NLGN4X: variants seen among roughly 807,000 people sequenced by gnomAD.
NLGN4X encodes the protein neuroligin-4, X-linked.
Under a neutral mutation model 40.3 loss-of-function variants are expected in NLGN4X, and 3 were observed. The ratio of observed to expected loss-of-function variants is 0.07; its 90% CI spans 0.03 to 0.19. NLGN4X has a LOEUF of 0.19. NLGN4X is among the 10% of genes least tolerant of loss of function. The pLI is 1.00. For missense variants in NLGN4X, 382 were observed against 708.3 expected (o/e 0.54, Z 5.23); for synonymous variants, 270 against 306.8 (o/e 0.88, Z 1.25).
intron 2 of NLGN4X, among the ~76,000 whole-genome samples, chrX:6,064,730 G>A (rs781051393): frequency 6.3e-5 from 7 of 110,938 alleles, no homozygotes; most frequent in Admixed American, 4.8e-4. Flanking sequence ...GAGACAAGTC[G>A]CTACCATTCG....
intron 3 of NLGN4X, among the ~76,000 whole-genome samples, chrX:5,928,773 T>C (rs901771783): frequency 8.9e-6 from 1 of 111,806 alleles, no homozygotes; most frequent in Non-Finnish European, 1.9e-5. Flanking sequence ...CTTGGTACAT[T>C]GAAATTTAAT....
At chrX:6,206,851 C>A (rs1315706299) in intron 1 of NLGN4X, among the ~76,000 whole-genome samples, 1 of 111,836 alleles carries the variant, frequency 8.9e-6, no homozygotes, top group African/African-American at 3.3e-5. Flanking sequence ...AGGTGCTGGG[C>A]ATTAGGATTT....
chrX:6,030,394 A>ATGTGTGTGTGTGTGTGTGTG (rs35006258), intron 2 of NLGN4X, among the ~76,000 whole-genome samples: 1,451 of 100,093 alleles, frequency 0.014, 44 homozygotes, highest in African/African-American at 0.05. Flanking sequence ...GGATACAGAT[A>ATGTGTGTGTGTGTGTGTGTG]TGTGTGTGTG....
intron 2 of NLGN4X, among the ~76,000 whole-genome samples, chrX:6,039,931 A>G (rs1417712867): frequency 1.8e-5 from 2 of 111,614 alleles, no homozygotes; most frequent in African/African-American, 6.5e-5. Flanking sequence ...CATGTTGAAT[A>G]TGCATTTTGT....
At chrX:5,939,018 C>A (rs1344373808) in intron 3 of NLGN4X, among the ~76,000 whole-genome samples, 1 of 108,499 alleles carries the variant, frequency 9.2e-6, no homozygotes, top group Non-Finnish European at 1.9e-5. Context: ...GATGTCGAAG[C>A]TTGGTTTTGC....
At chrX:6,204,436 C>T (rs1923869571) in intron 1 of NLGN4X, among the ~76,000 whole-genome samples, 2 of 111,807 alleles carry the variant, frequency 1.8e-5, no homozygotes, top group African/African-American at 3.3e-5. Context: ...TATGCATTGG[C>T]TTGAATTGAC....
chrX:6,027,420 T>C (rs1458232920), intron 3 of NLGN4X, among the ~76,000 whole-genome samples: 1 of 112,456 alleles, frequency 8.9e-6, no homozygotes, highest in African/African-American at 3.2e-5. Flanking sequence ...AATAAGTTTT[T>C]TGACACTAAA....
At chrX:6,098,067 A>C (rs934351842) in intron 2 of NLGN4X, among the ~76,000 whole-genome samples, 3 of 112,741 alleles carry the variant, frequency 2.7e-5, no homozygotes, top group Non-Finnish European at 5.6e-5. Context: ...AGGCCGGAGG[A>C]TCGCTTGAGC....
At position 5,903,197 on chromosome X, in the gene NLGN4X, G is replaced by A. The variant is rs765308242; in HGVS notation, c.1481C>T (p.Pro494Leu). 8.3e-7 allele frequency: 1 copy of A among 1,212,121 alleles called. No homozygotes were observed. Among genetic ancestry groups the A allele is most frequent in the East Asian group, 3.0e-5 (1 of 33,822 alleles). ...GATCATGGGGATGCCGAAGACATAG[G>A]GGACCTCATCACCATGGGCCGAATC... Reference protein sequence around the residue: ...WADSAHGDEVPYVFGIPMIGP... With the variant: ...WADSAHGDEVLYVFGIPMIGP... Residue 494 changes from proline to leucine, a missense_variant, in exon 5 of 6, where the codon CCC becomes CTC. By Grantham distance (98) the Pro-to-Leu change is moderately conservative (BLOSUM62 -3). Transcript: ENST00000381095.
intron 1 of NLGN4X, among the ~76,000 whole-genome samples, chrX:6,176,004 G>A (rs2040726517): frequency 9.0e-6 from 1 of 111,351 alleles, no homozygotes. Flanking sequence ...ATTTTAGGGA[G>A]TAAAGAGCCT....
At chrX:6,073,262 C>T (rs1360923315) in intron 2 of NLGN4X, among the ~76,000 whole-genome samples, 1 of 112,107 alleles carries the variant, frequency 8.9e-6, no homozygotes, top group African/African-American at 3.2e-5. Context: ...ACACTAGAAA[C>T]TGACTTTTTA....
intron 3 of NLGN4X, among the ~76,000 whole-genome samples, chrX:5,939,172 G>C (rs1251616073): frequency 1.8e-5 from 2 of 111,447 alleles, no homozygotes; most frequent in Admixed American, 1.9e-4. Context: ...GGAACAGAAA[G>C]AGGAGTACCT....
chrX:6,154,095 G>A (rs899138255), intron 1 of NLGN4X, among the ~76,000 whole-genome samples: 2 of 111,802 alleles, frequency 1.8e-5, no homozygotes, highest in African/African-American at 6.5e-5. Flanking sequence ...TGGGGGCGTC[G>A]CCTGTACAAT....
At chrX:6,019,970 A>G (rs1327485221) in intron 3 of NLGN4X, among the ~76,000 whole-genome samples, 1 of 112,496 alleles carries the variant, frequency 8.9e-6, no homozygotes, top group Non-Finnish European at 1.9e-5. Context: ...TTCTGTTTGA[A>G]TATTTTGATT....
intron 3 of NLGN4X, among the ~76,000 whole-genome samples, chrX:6,015,876 AGTCATTG>A (rs1401176050): frequency 1.8e-5 from 2 of 111,945 alleles, no homozygotes; most frequent in Non-Finnish European, 3.8e-5. Flanking sequence ...CAATATTCAG[AGTCATTG>A]GTCAATGAGG....
intron 3 of NLGN4X, among the ~76,000 whole-genome samples, chrX:5,941,584 G>A (rs1472164797): frequency 8.9e-6 from 1 of 112,148 alleles, no homozygotes; most frequent in African/African-American, 3.2e-5. Context: ...GATTCCAAAG[G>A]AGGTAATAAA....
intron 3 of NLGN4X, among the ~76,000 whole-genome samples, chrX:5,943,867 C>T (rs1489130340): frequency 8.9e-6 from 1 of 112,200 alleles, no homozygotes; most frequent in Non-Finnish European, 1.9e-5. Flanking sequence ...TGAGATAGGC[C>T]AGGGAGGTTT....
At chrX:6,054,877 C>T (rs999887696) in intron 2 of NLGN4X, among the ~76,000 whole-genome samples, 4 of 111,571 alleles carry the variant, frequency 3.6e-5, no homozygotes, top group African/African-American at 1.3e-4. Flanking sequence ...AGGCTAGTCT[C>T]GAACTCCTGA....
intron 5 of NLGN4X, among the ~76,000 whole-genome samples, chrX:5,894,583 C>T: frequency 9.0e-6 from 1 of 111,331 alleles, no homozygotes. Flanking sequence ...AACTATGAGC[C>T]AAAGAATTAT....
Sources: allele counts gnomAD v4.1 joint callset (sites outside exome capture counted in the v4.1 genomes callset), GRCh38; gene constraint gnomAD v4.1.1; transcripts MANE v1.5; gene names NCBI Gene and HGNC (gene_info 2026-07-23, HGNC 2026-07-21).